The following MORC1 variants were observed in gnomAD, a reference collection of about 807,000 sequenced individuals.
MORC1 encodes MORC family CW-type zinc finger protein 1.
MORC1 carries 59 observed loss-of-function variants against 134.9 expected under a neutral mutation model. The observed-to-expected ratio is 0.44, with a 90% confidence interval of 0.35 to 0.54. The LOEUF is 0.54. MORC1 is among the 20% of genes least tolerant of loss of function. MORC1 has a pLI of 0.00. For synonymous variants in MORC1, 395 were observed against 391.7 expected, an observed-to-expected ratio of 1.01 and a Z score of -0.10; for missense variants, 947 against 1,134.5, an observed-to-expected ratio of 0.83 and a Z score of 2.37.
At chr3:109,042,322 A>AT (rs1949572659) in intron 14 of MORC1, among the ~76,000 whole-genome samples, 1 of 152,206 alleles carries the variant, frequency 6.6e-6, no homozygotes, top group Admixed American at 6.5e-5. Flanking sequence ...CAACACGTAT[A>AT]TATTTTTTAA....
chr3:109,030,496 C>G (rs1401022864), intron 16 of MORC1, among the ~76,000 whole-genome samples: 1 of 152,166 alleles, frequency 6.6e-6, no homozygotes, highest in Non-Finnish European at 1.5e-5. Flanking sequence ...ATCAATTTTG[C>G]TTTACATCTC....
At chr3:109,095,564 G>A (rs1032422519) in intron 6 of MORC1, among the ~76,000 whole-genome samples, 6 of 152,168 alleles carry the variant, frequency 3.9e-5, no homozygotes, top group African/African-American at 1.2e-4. Flanking sequence ...TCAACCCCCA[G>A]GGTCTGGATA....
At chr3:109,015,872 A>G (rs575274612) in intron 17 of MORC1, among the ~76,000 whole-genome samples, 2 of 152,204 alleles carry the variant, frequency 1.3e-5, no homozygotes, top group South Asian at 4.1e-4. Context: ...AGTATCTCTT[A>G]TCCAAAATGC....
At chr3:109,067,601 T>A (rs1559933100) in intron 9 of MORC1, among the ~76,000 whole-genome samples, 2 of 152,190 alleles carry the variant, frequency 1.3e-5, no homozygotes, top group African/African-American at 2.4e-5. Context: ...GAGAGAAATT[T>A]AATGTGAAAA....
chr3:109,080,653 A>G (rs1950504712), intron 8 of MORC1, among the ~76,000 whole-genome samples: 1 of 152,220 alleles, frequency 6.6e-6, no homozygotes, highest in South Asian at 2.1e-4. Context: ...AATTCAAGGA[A>G]CTACCAATCA....
intron 8 of MORC1, among the ~76,000 whole-genome samples, chr3:109,083,840 G>C (rs1950567002): frequency 6.6e-6 from 1 of 152,136 alleles, no homozygotes; most frequent in Admixed American, 6.5e-5. Flanking sequence ...TCCCAGGGAT[G>C]GAAGGATGCT....
intron 12 of MORC1, among the ~76,000 whole-genome samples, chr3:109,058,225 T>C (rs1185434675): frequency 1.3e-5 from 2 of 152,160 alleles, no homozygotes; most frequent in Non-Finnish European, 2.9e-5. Flanking sequence ...CCTGTCTTTG[T>C]AATAACCATG....
intron 14 of MORC1, among the ~76,000 whole-genome samples, chr3:109,039,794 TG>T (rs2107629006): frequency 6.6e-6 from 1 of 152,180 alleles, no homozygotes; most frequent in South Asian, 2.1e-4. Flanking sequence ...GATGAAGAGG[TG>T]AAGGCCATTT....
At chr3:109,111,042 A>T (rs1023273304) in intron 2 of MORC1, among the ~76,000 whole-genome samples, 2 of 124,904 alleles carry the variant, frequency 1.6e-5, no homozygotes, top group African/African-American at 5.8e-5. Flanking sequence ...AACAAAATGG[A>T]TATAATTTAA....
chr3:108,967,111 G>C lies in MORC1; in HGVS notation c.2604+2558C>G, dbSNP rs187729870. Among the ~76,000 whole-genome samples the C allele has an allele frequency of 2.4e-4, 37 of 152,138 alleles. 1 individual carries two copies. Among genetic ancestry groups the C allele is most frequent in the Admixed American group, 1.3e-4 (2 of 15,284 alleles). ...AGATCTCATTTCAGTAGGAACTGCT[G>C]GTCTCCTGACTGTTTATCTCGCTTT... On this transcript the variant is annotated intron_variant, in intron 26 of 27. Transcript: ENST00000232603.
At chr3:109,032,853 A>G in intron 15 of MORC1, 28 bp from the exon 16 acceptor site, 1 of 1,371,362 alleles carries the variant, frequency 7.3e-7, no homozygotes, top group Non-Finnish European at 1.0e-6. Context: ...ATGACACAGA[A>G]AAGAGATCAG....
intron 17 of MORC1, among the ~76,000 whole-genome samples, chr3:109,023,773 C>CA (rs1330377649): frequency 6.6e-6 from 1 of 151,904 alleles, no homozygotes; most frequent in Non-Finnish European, 1.5e-5. Context: ...CTAGGTTTAC[C>CA]AAAAAATAAC....
chr3:109,084,924 G>A lies in MORC1; in HGVS notation c.689+8512C>T, dbSNP rs571762551. Among the ~76,000 whole-genome samples the A allele has an allele frequency of 5.3e-5, 8 of 152,068 alleles. No homozygotes were observed. In the South Asian group the frequency reaches 6.2e-4, roughly 12 times the overall value. ...GGACAGTTTCCTCAACAAACGGTGC[G>A]GGGAAAATTGAATATACATATGCAG... On this transcript the variant is annotated intron_variant, in intron 8 of 27. Coordinates refer to ENST00000232603, the MANE Select transcript of MORC1 (RefSeq NM_014429.4).
At chr3:109,007,365 G>A (rs888622140) in intron 17 of MORC1, among the ~76,000 whole-genome samples, 3 of 152,236 alleles carry the variant, frequency 2.0e-5, no homozygotes, top group Middle Eastern at 3.4e-3. Context: ...ACTGGGTCTC[G>A]TTTCCAGCCT....
intron 14 of MORC1, among the ~76,000 whole-genome samples, chr3:109,050,946 G>A (rs1020619675): frequency 6.6e-6 from 1 of 151,944 alleles, no homozygotes; most frequent in Non-Finnish European, 1.5e-5. Flanking sequence ...GATCCATTTT[G>A]GAAAAGTTTA....
rs1020785142 is a variant in MORC1, at chr3:109,112,433, G to A, written c.120-1650C>T. The stretch of plus-strand genomic sequence containing the variant: ...TGGGGACTTCATAAAGTTCTCCTTC[G>A]TAAGACCAACTCAGTATCTTAAGTC... On this transcript the variant is annotated intron_variant, in intron 2 of 27. Transcript: ENST00000232603. 2.6e-5 allele frequency among the ~76,000 whole-genome samples: 4 copies of A among 152,190 alleles called. No individual in the cohort carries two copies. The East Asian group carries it at 5.8e-4, about 22-fold the overall frequency.
At chr3:108,959,739 G>A (rs1477168690) in intron 27 of MORC1, among the ~76,000 whole-genome samples, 1 of 152,128 alleles carries the variant, frequency 6.6e-6, no homozygotes, top group Admixed American at 6.6e-5. Context: ...CGTAGGCATG[G>A]ATTTCAAAAA....
chr3:109,007,941 A>ATGTGTGTGTGTGTG lies in MORC1; in HGVS notation c.1705-864_1705-851dup, dbSNP rs113629397. ...ATATAGCATATATAAGCACATATATATGTGTGTGTGTGTGTGTGTGTGTAT... is the reference window on the plus strand; with the variant it reads ...ATATAGCATATATAAGCACATATATATGTGTGTGTGTGTGTGTGTGTGTGTGTGTGTGTGTGTAT... On this transcript the variant is annotated intron_variant, in intron 17 of 27. Coordinates refer to ENST00000232603, the MANE Select transcript of MORC1 (RefSeq NM_014429.4). 6.9e-3 allele frequency among the ~76,000 whole-genome samples: 1,025 copies of ATGTGTGTGTGTGTG among 149,604 alleles called. 5 individuals carry two copies. The highest frequency in any genetic ancestry group is 0.01 in the Middle Eastern group (3 of 286).
chr3:109,049,135 T>C (rs535567411), intron 14 of MORC1: 1 of 984,574 alleles, frequency 1.0e-6, no homozygotes, highest in East Asian at 1.1e-4. Flanking sequence ...ACTCGACGTG[T>C]ATCCTTAGCA....
Sources: allele counts gnomAD v4.1 joint callset (sites outside exome capture counted in the v4.1 genomes callset), GRCh38; gene constraint gnomAD v4.1.1; transcripts MANE v1.5; gene names NCBI Gene and HGNC (gene_info 2026-07-23, HGNC 2026-07-21).